Variants in EPHA5 observed in about 807,000 individuals in gnomAD.
The protein encoded by EPHA5 is EPH receptor A5, also known as ephrin type-A receptor 5.
In EPHA5, 60 loss-of-function variants were observed where a neutral mutation model predicts 105.0. The ratio of observed to expected loss-of-function variants is 0.57; its 90% CI spans 0.46 to 0.71. The LOEUF (loss-of-function observed/expected upper bound fraction) is 0.71. Ranked by LOEUF, EPHA5 falls within the 30% of genes least tolerant of loss-of-function variation. The probability of loss-of-function intolerance (pLI) is 0.00; values close to 1 mark genes in which losing one functional copy is unlikely to be tolerated. For synonymous variants in EPHA5, 513 were observed against 449.1 expected (o/e 1.14, Z -1.80); for missense variants, 1,218 against 1,274.7 (o/e 0.96, Z 0.68).
chr4:65,615,506 A>G (rs1378822531), intron 2 of EPHA5, among the ~76,000 whole-genome samples: 1 of 151,934 alleles, frequency 6.6e-6, no homozygotes, highest in African/African-American at 2.4e-5. Context: ...AAAGTGCTAG[A>G]AAAACAATAC....
chr4:65,507,619 C>T (rs1392313172), intron 3 of EPHA5, among the ~76,000 whole-genome samples: 1 of 152,182 alleles, frequency 6.6e-6, no homozygotes, highest in African/African-American at 2.4e-5. Flanking sequence ...ATTTTATTAT[C>T]CTTGAAGCAA....
At chr4:65,324,898 C>T (rs1323734934) in intron 16 of EPHA5, among the ~76,000 whole-genome samples, 1 of 150,602 alleles carries the variant, frequency 6.6e-6, no homozygotes, top group Non-Finnish European at 1.5e-5. Flanking sequence ...TTTCAACATG[C>T]TTATTATTCA....
intron 5 of EPHA5, among the ~76,000 whole-genome samples, chr4:65,486,504 C>G (rs2149202589): frequency 6.6e-6 from 1 of 152,248 alleles, no homozygotes; most frequent in South Asian, 2.1e-4. Flanking sequence ...ATCAACACAA[C>G]TGTTGAGGCT....
At chr4:65,535,524 C>G (rs1399901273) in intron 3 of EPHA5, among the ~76,000 whole-genome samples, 2 of 152,040 alleles carry the variant, frequency 1.3e-5, no homozygotes, top group Non-Finnish European at 2.9e-5. Context: ...TATATTCATC[C>G]TCTTTCCCAT....
chr4:65,575,087 A>G (rs550581961), intron 3 of EPHA5, among the ~76,000 whole-genome samples: 111 of 151,966 alleles, frequency 7.3e-4, no homozygotes, highest in Non-Finnish European at 1.4e-3. Flanking sequence ...AAATCTAGGG[A>G]AACAATATAA....
Position 65,479,889 on chromosome 4 carries a change from C to T in EPHA5, c.1402+10488G>A, listed in dbSNP as rs180674614. 2.0e-5 allele frequency among the ~76,000 whole-genome samples: 3 copies of T among 152,032 alleles called. No homozygotes were observed. In the East Asian group the frequency reaches 5.8e-4, roughly 29 times the overall value. Reference sequence around the variant, plus strand: ...ATAATACTTTATGAAAAACAAACAACATATTAAAATGGTTGCTCTTTAGTG... The same window carrying T: ...ATAATACTTTATGAAAAACAAACAATATATTAAAATGGTTGCTCTTTAGTG... On this transcript the variant is annotated intron_variant, in intron 5 of 16. Coordinates refer to ENST00000613740, the MANE Select transcript of EPHA5 (RefSeq NM_001281766.3).
intron 1 of EPHA5, among the ~76,000 whole-genome samples, chr4:65,649,715 C>G (rs1370044766): frequency 6.6e-6 from 1 of 152,114 alleles, no homozygotes; most frequent in Non-Finnish European, 1.5e-5. Context: ...CCCCATTATT[C>G]TATTAAAACT....
chr4:65,482,257 C>G (rs541608009), intron 5 of EPHA5, among the ~76,000 whole-genome samples: 24 of 148,940 alleles, frequency 1.6e-4, no homozygotes, highest in Non-Finnish European at 1.9e-4. Context: ...AAAATCTTGC[C>G]ATCGCACTCC....
intron 5 of EPHA5, among the ~76,000 whole-genome samples, chr4:65,448,794 A>G (rs184213838): frequency 6.6e-6 from 1 of 152,342 alleles, no homozygotes; most frequent in Admixed American, 6.5e-5. Context: ...ATTACTCATA[A>G]GAAAATGATA....
chr4:65,530,721 G>A (rs1041463475), intron 3 of EPHA5, among the ~76,000 whole-genome samples: 8 of 152,142 alleles, frequency 5.3e-5, no homozygotes, highest in African/African-American at 1.9e-4. Flanking sequence ...CCTCTCCTAA[G>A]CCTCAGCTTC....
chr4:65,341,654 A>G (rs994378328), intron 14 of EPHA5, among the ~76,000 whole-genome samples: 3 of 151,700 alleles, frequency 2.0e-5, no homozygotes, highest in South Asian at 2.1e-4. Context: ...ACAATGAGCT[A>G]TTTTGGAAGA....
At chr4:65,408,007 C>T (rs908229694) in intron 7 of EPHA5, among the ~76,000 whole-genome samples, 19 of 151,994 alleles carry the variant, frequency 1.3e-4, no homozygotes, top group African/African-American at 3.1e-4. Flanking sequence ...TCAAGTGATT[C>T]GCCCACCATA....
chr4:65,443,789 T>C lies in EPHA5; in HGVS notation c.1403-23224A>G, dbSNP rs569224530. On this transcript the variant is annotated intron_variant, in intron 5 of 16. Coordinates refer to ENST00000613740, the MANE Select transcript of EPHA5 (RefSeq NM_001281766.3). ...CTGGTGAACTCTGACAGAAAACCAT[T>C]GGGCAAAGGAGAAACATGTTTGCTG... Among the ~76,000 whole-genome samples, 7 of 152,294 alleles carry C rather than the reference T, an allele frequency of 4.6e-5. No homozygotes were observed. The South Asian group carries it at 8.3e-4, about 18-fold the overall frequency.
chr4:65,467,029 T>C (rs989490101), intron 5 of EPHA5, among the ~76,000 whole-genome samples: 1 of 152,108 alleles, frequency 6.6e-6, no homozygotes, highest in Admixed American at 6.6e-5. Flanking sequence ...TTAATTACCA[T>C]TGGGACAAAA....
intron 3 of EPHA5, among the ~76,000 whole-genome samples, chr4:65,582,528 A>T (rs1181141823): frequency 6.6e-6 from 1 of 151,576 alleles, no homozygotes; most frequent in Non-Finnish European, 1.5e-5. Flanking sequence ...CTATGAAAAA[A>T]TTATGGGCAA....
At chr4:65,590,108 A>G (rs968100019) in intron 3 of EPHA5, among the ~76,000 whole-genome samples, 1 of 152,206 alleles carries the variant, frequency 6.6e-6, no homozygotes, top group African/African-American at 2.4e-5. Context: ...CATCAAATAA[A>G]TGGAGTTATC....
intron 3 of EPHA5, among the ~76,000 whole-genome samples, chr4:65,572,533 C>T (rs915343724): frequency 8.5e-5 from 13 of 152,184 alleles, no homozygotes; most frequent in African/African-American, 3.1e-4. Context: ...GCAAAAGACA[C>T]ACATCAATTT....
intron 7 of EPHA5, among the ~76,000 whole-genome samples, chr4:65,411,016 T>C (rs577091971): frequency 2.6e-5 from 4 of 152,146 alleles, no homozygotes; most frequent in Non-Finnish European, 5.9e-5. Flanking sequence ...TTATTCATGG[T>C]AAGTTTCTTT....
chr4:65,502,413 A>AT (rs1428956327), intron 3 of EPHA5, among the ~76,000 whole-genome samples: 70 of 147,478 alleles, frequency 4.7e-4, no homozygotes, highest in Admixed American at 8.1e-4. Flanking sequence ...AAGCAAAAAA[A>AT]AAATATATAG....
Sources: allele counts gnomAD v4.1 joint callset (sites outside exome capture counted in the v4.1 genomes callset), GRCh38; gene constraint gnomAD v4.1.1; transcripts MANE v1.5; gene names NCBI Gene and HGNC (gene_info 2026-07-23, HGNC 2026-07-21).